The following SH3BP5L variants were observed in gnomAD, a reference collection of about 807,000 sequenced individuals.
SH3BP5L encodes the protein SH3 binding domain protein 5 like.
SH3BP5L carries 16 observed loss-of-function variants against 40.9 expected under a neutral mutation model. The ratio of observed to expected loss-of-function variants is 0.39; its 90% CI spans 0.27 to 0.59. The LOEUF (loss-of-function observed/expected upper bound fraction) is 0.59, where lower values mean the gene tolerates loss of function less well. Among genes scored for constraint, SH3BP5L ranks in the 20% least tolerant of loss-of-function variants. The pLI is 0.53. For synonymous variants in SH3BP5L, 229 were observed against 226.7 expected (o/e 1.01, Z -0.09); for missense variants, 471 against 544.6 (o/e 0.86, Z 1.35).
At position 248,811,952 on chromosome 1, in the gene SH3BP5L, C is replaced by T. The variant is rs1349168678; in HGVS notation, c.1130G>A (p.Gly377Asp). The T allele has an allele frequency of 4.5e-6, 7 of 1,569,574 alleles. No homozygotes were observed. The highest frequency in any genetic ancestry group is 5.2e-6 in the Non-Finnish European group (6 of 1,158,032). Residue 377 changes from glycine (G) to aspartate (D), a missense_variant, in exon 7 of 7, where the codon GGC becomes GAC. Gly to Asp is a moderately conservative substitution (Grantham distance 94, BLOSUM62 -1). Transcript: ENST00000366472. The part of the protein sequence containing the change: ...ELGTRSGGRR[G>D]SDGGARGGRH... ...ACCCCCACGGGCTCCGCCGTCGCTG[C>T]CCCGGCGCCCTCCACTCCGCGTTCC...
intron 2 of SH3BP5L, among the ~76,000 whole-genome samples, chr1:248,823,507 T>C (rs1572187103): frequency 6.6e-6 from 1 of 152,186 alleles, no homozygotes; most frequent in East Asian, 1.9e-4. Context: ...CAGAGGATGA[T>C]AAATCTGTAG....
At chr1:248,817,092 C>G (rs754586171) in intron 2 of SH3BP5L, 4 of 1,509,506 alleles carry the variant, frequency 2.6e-6, no homozygotes, top group African/African-American at 2.8e-5. Context: ...GTAATCCTCA[C>G]AACTCTACCT....
intron 4 of SH3BP5L, 144 bp downstream of exon 4, chr1:248,816,390 C>G: frequency 1.0e-6 from 1 of 961,600 alleles, no homozygotes; most frequent in Non-Finnish European, 1.5e-6. Flanking sequence ...CCTGAGCCCA[C>G]AGAGCTGGTT....
Position 248,816,618 on chromosome 1 carries a change from C to T in SH3BP5L, c.291G>A (p.Arg97=), listed in dbSNP as rs1467893845. Residue 97 remains arginine, a synonymous_variant, in exon 4 of 7, where the codon AGG becomes AGA. Coordinates refer to ENST00000366472, the MANE Select transcript of SH3BP5L (RefSeq NM_030645.3). ...AGTGGGAACCCTGTGTATTCAGTTT[C>T]CTCGCCGACTCCTGTAGGATCCTCC... ...TYRRILQESA[R]KLNTQGSHLG... 1.9e-6 allele frequency: 3 copies of T among 1,614,180 alleles called. No individual in the cohort carries two copies. Among genetic ancestry groups the T allele is most frequent in the Non-Finnish European group, 2.5e-6 (3 of 1,180,020 alleles).
intron 2 of SH3BP5L, among the ~76,000 whole-genome samples, chr1:248,819,398 TAA>T (rs778474005): frequency 1.8e-4 from 24 of 134,612 alleles, no homozygotes; most frequent in East Asian, 4.3e-4. Context: ...CTGATGAGCT[TAA>T]AAAAAAAAAA....
rs1392395402 is a variant in SH3BP5L at position 248,811,195 on chromosome 1, C to T, written c.*705G>A. The T allele has an allele frequency of 6.6e-6, 1 of 152,454 alleles. No homozygotes were observed. The highest frequency in any genetic ancestry group is 2.4e-5 in the African/African-American group (1 of 41,442). 9.4% of individuals were successfully genotyped at this position (152,454 alleles called of 1,614,324 possible). On this transcript the variant is annotated 3_prime_UTR_variant, in exon 7 of 7. Transcript: ENST00000366472. The stretch of plus-strand genomic sequence containing the variant: ...GCCAGTCTGGAGTTGGTGATGCTCC[C>T]TATGTTGACAGTGGGGTTGGGTTTC...
At chr1:248,825,699 C>A (rs1168434434) in intron 1 of SH3BP5L, 136 bp downstream of exon 1, 2 of 220,050 alleles carry the variant, frequency 9.1e-6, no homozygotes, top group Non-Finnish European at 1.5e-5. Context: ...TAACCCCGAG[C>A]CCCACCCCAC....
chr1:248,822,699 T>C (rs1664282851), intron 2 of SH3BP5L, among the ~76,000 whole-genome samples: 1 of 151,764 alleles, frequency 6.6e-6, no homozygotes, highest in Non-Finnish European at 1.5e-5. Context: ...GTTTCGCTCT[T>C]GTCACCCAGG....
chr1:248,812,065 G>A lies in SH3BP5L; in HGVS notation c.1017C>T (p.Arg339=). Reference sequence around the variant, plus strand: ...ACTTCTGCAGGTCTGAAGCCACCGTGCGCAGGCTCAGCAGACTCAGGGTAT... The same window carrying A: ...ACTTCTGCAGGTCTGAAGCCACCGTACGCAGGCTCAGCAGACTCAGGGTAT... The part of the protein sequence containing the change: ...DTDTLSLLSL[R]TVASDLQKCD... Residue 339 remains arginine (R), a synonymous_variant, in exon 7 of 7, where the codon CGC becomes CGT. Coordinates refer to ENST00000366472, the MANE Select transcript of SH3BP5L (RefSeq NM_030645.3). The surrounding 1 kb of genome is among the most constrained non-coding windows in gnomAD (Gnocchi z 6.1). The A allele has an allele frequency of 6.2e-7, 1 of 1,613,020 alleles. No individual in the cohort carries two copies. The highest frequency in any genetic ancestry group is 8.5e-7 in the Non-Finnish European group (1 of 1,179,638).
At chr1:248,817,422 G>A (rs985518447) in intron 2 of SH3BP5L, among the ~76,000 whole-genome samples, 4 of 152,190 alleles carry the variant, frequency 2.6e-5, no homozygotes, top group African/African-American at 9.7e-5. Context: ...GCAGGTCCTG[G>A]GCAGTATGTG....
intron 4 of SH3BP5L, among the ~76,000 whole-genome samples, chr1:248,815,327 T>TA (rs887339688): frequency 2.8e-4 from 43 of 152,286 alleles, no homozygotes; most frequent in African/African-American, 1.0e-3. Flanking sequence ...CTTGGATGTA[T>TA]AGTTATTGAC....
At chr1:248,825,422 C>T in intron 1 of SH3BP5L, 56 bp from the exon 2 acceptor site, 3 of 986,636 alleles carry the variant, frequency 3.0e-6, no homozygotes, top group Non-Finnish European at 3.6e-6. Context: ...ACCGCAGCCA[C>T]CAGCCCCTTC....
intron 2 of SH3BP5L, among the ~76,000 whole-genome samples, chr1:248,820,195 G>A (rs1664220165): frequency 6.6e-6 from 1 of 152,104 alleles, no homozygotes; most frequent in African/African-American, 2.4e-5. Context: ...ACAACCCAGT[G>A]TCCATAAAAT....
intron 5 of SH3BP5L, 88 bp from the exon 6 acceptor site, chr1:248,813,250 G>A: frequency 7.3e-7 from 1 of 1,372,024 alleles, no homozygotes; most frequent in Non-Finnish European, 9.5e-7. Context: ...AACGCCCTGG[G>A]GGGAACCCAA....
At position 248,816,593 on chromosome 1, in the gene SH3BP5L, A is replaced by G. The variant is rs144046653; in HGVS notation, c.316T>C (p.Leu106=). The G allele has an allele frequency of 9.0e-5, 145 of 1,614,040 alleles. No individual in the cohort carries two copies. The highest frequency in any genetic ancestry group is 1.1e-4 in the Non-Finnish European group (132 of 1,180,044). The change falls in exon 4 of 7, where the codon TTG becomes CTG. Residue 106 remains leucine (L), a synonymous_variant. Transcript: ENST00000366472. The stretch of plus-strand genomic sequence containing the variant: ...CGGGCTTTCTCGATGCAGCTCCCCA[A>G]GTGGGAACCCTGTGTATTCAGTTTC... ...ARKLNTQGSH[L]GSCIEKARPY...
At chr1:248,816,501 T>C (rs369206045) in intron 4 of SH3BP5L, 33 bp downstream of exon 4, 7 of 1,613,040 alleles carry the variant, frequency 4.3e-6, no homozygotes, top group Non-Finnish European at 5.9e-6. Context: ...GCTCAGCACG[T>C]AGCCTTCCTC....
chr1:248,817,997 G>C (rs890967665), intron 2 of SH3BP5L, among the ~76,000 whole-genome samples: 6 of 152,212 alleles, frequency 3.9e-5, no homozygotes, highest in African/African-American at 1.2e-4. Context: ...AATGGCAAAA[G>C]GGTCTCTCAG....
At chr1:248,813,815 A>C (rs978087361) in intron 5 of SH3BP5L, 30 of 158,672 alleles carry the variant, frequency 1.9e-4, no homozygotes, top group African/African-American at 7.0e-4. Context: ...GTAGCTCTAC[A>C]CTATACACCA....
rs1664338114 is a variant in SH3BP5L, at chr1:248,824,952, C to A, written c.-17G>T. 1 of 1,608,096 alleles carries A rather than the reference C, an allele frequency of 6.2e-7. No individual in the cohort carries two copies. Among genetic ancestry groups the A allele is most frequent in the South Asian group, 1.1e-5 (1 of 90,518 alleles). On this transcript the variant is annotated 5_prime_UTR_variant, in exon 2 of 7. Coordinates refer to ENST00000366472, the MANE Select transcript of SH3BP5L (RefSeq NM_030645.3). ...CTCAGCCATGCTGACAGGGGGAGGG[C>A]AGAGCCCTATGCACAAGAGAGGACT...
Sources: allele counts gnomAD v4.1 joint callset (sites outside exome capture counted in the v4.1 genomes callset), GRCh38; gene constraint gnomAD v4.1.1; non-coding constraint Gnocchi (gnomAD v3.1); transcripts MANE v1.5; gene names NCBI Gene and HGNC (gene_info 2026-07-23, HGNC 2026-07-21).